CCDC125: variants seen among roughly 807,000 people sequenced by gnomAD.
The protein encoded by CCDC125 is coiled-coil domain containing 125.
In CCDC125, 43 loss-of-function variants were observed where a neutral mutation model predicts 57.4. The ratio of observed to expected loss-of-function variants is 0.75; its 90% CI spans 0.59 to 0.97. The LOEUF is 0.97. Among genes scored for constraint, CCDC125 ranks in the 50% least tolerant of loss-of-function variants. The probability of loss-of-function intolerance (pLI) is 0.00; values close to 1 mark genes in which losing one functional copy is unlikely to be tolerated. For missense variants in CCDC125, 563 were observed against 595.7 expected (o/e 0.95, Z 0.57); for synonymous variants, 187 against 195.2 (o/e 0.96, Z 0.35).
chr5:69,316,278 AT>A (rs1759086622), intron 2 of CCDC125, among the ~76,000 whole-genome samples: 1 of 152,212 alleles, frequency 6.6e-6, no homozygotes, highest in Non-Finnish European at 1.5e-5. Flanking sequence ...ATGTGATGAG[AT>A]TAAGGATTTT....
chr5:69,323,975 T>C (rs1241990208), intron 1 of CCDC125: 1 of 150,512 alleles, frequency 6.6e-6, no homozygotes, highest in Non-Finnish European at 1.5e-5. Flanking sequence ...AAAAGTGGGG[T>C]GTGGGGGTAT....
chr5:69,291,723 GA>G (rs1754496961), intron 10 of CCDC125, among the ~76,000 whole-genome samples: 1 of 152,096 alleles, frequency 6.6e-6, no homozygotes, highest in Non-Finnish European at 1.5e-5. Flanking sequence ...TTTTTTCTAA[GA>G]ATATTTTATT....
chr5:69,305,925 G>T (rs1259385430), intron 6 of CCDC125, among the ~76,000 whole-genome samples: 1 of 152,138 alleles, frequency 6.6e-6, no homozygotes. Flanking sequence ...CGATAGGATT[G>T]TGTGAGCCAC....
intron 7 of CCDC125, among the ~76,000 whole-genome samples, chr5:69,301,985 A>G (rs1321839857): frequency 6.6e-6 from 1 of 151,860 alleles, no homozygotes; most frequent in African/African-American, 2.4e-5. Flanking sequence ...TGGGAGGCTG[A>G]GGTGGGAGGA....
At chr5:69,321,417 T>G (rs1760001697) in intron 1 of CCDC125, among the ~76,000 whole-genome samples, 1 of 152,218 alleles carries the variant, frequency 6.6e-6, no homozygotes, top group Non-Finnish European at 1.5e-5. Flanking sequence ...AAATGTGTTG[T>G]TAGGCAATTT....
At chr5:69,300,667 G>T (rs1413582753) in intron 7 of CCDC125, among the ~76,000 whole-genome samples, 1 of 152,060 alleles carries the variant, frequency 6.6e-6, no homozygotes, top group African/African-American at 2.4e-5. Context: ...GAGGACTTAT[G>T]ATCATGAGCA....
At chr5:69,299,090 T>C (rs1755892860) in intron 8 of CCDC125, among the ~76,000 whole-genome samples, 1 of 150,228 alleles carries the variant, frequency 6.7e-6, no homozygotes, top group Non-Finnish European at 1.5e-5. Flanking sequence ...TTATTACCAA[T>C]TTTTCTTAAG....
intron 8 of CCDC125, among the ~76,000 whole-genome samples, chr5:69,297,923 T>G (rs534081098): frequency 4.0e-5 from 6 of 151,626 alleles, no homozygotes; most frequent in African/African-American, 1.4e-4. Context: ...CAGTGAGCCA[T>G]GATTGTGCCA....
chr5:69,324,424 T>C (rs866745655), intron 1 of CCDC125, among the ~76,000 whole-genome samples: 2 of 152,192 alleles, frequency 1.3e-5, no homozygotes, highest in African/African-American at 2.4e-5. Flanking sequence ...GAAAACAATT[T>C]GATAGCTTCT....
At chr5:69,320,817 G>A (rs181510198) in intron 1 of CCDC125, among the ~76,000 whole-genome samples, 122 of 152,106 alleles carry the variant, frequency 8.0e-4, no homozygotes, top group Non-Finnish European at 1.4e-3. Context: ...GTGCGTGTGC[G>A]TGTGTACACA....
At chr5:69,299,681 A>G (rs1042715152) in intron 8 of CCDC125, among the ~76,000 whole-genome samples, 1 of 152,256 alleles carries the variant, frequency 6.6e-6, no homozygotes, top group South Asian at 2.1e-4. Context: ...GATGAAGATC[A>G]GATACAACAA....
chr5:69,309,509 C>T (rs995529983), intron 4 of CCDC125: 2 of 152,174 alleles, frequency 1.3e-5, no homozygotes, highest in Non-Finnish European at 2.9e-5. Flanking sequence ...AGTAAAGAAT[C>T]GGGGTTTGGG....
chr5:69,283,646 T>C (rs1752816655), intron 11 of CCDC125, among the ~76,000 whole-genome samples: 1 of 151,218 alleles, frequency 6.6e-6, no homozygotes, highest in South Asian at 2.1e-4. Context: ...CCCTCCCGAG[T>C]AGAGTAGCTG....
chr5:69,295,562 TGAG>T (rs1345294086), intron 8 of CCDC125, among the ~76,000 whole-genome samples: 4 of 152,098 alleles, frequency 2.6e-5, no homozygotes, highest in Non-Finnish European at 5.9e-5. Flanking sequence ...GTTCTGTAAA[TGAG>T]GAGGAGAGAC....
intron 10 of CCDC125, among the ~76,000 whole-genome samples, chr5:69,286,944 A>T (rs1043162967): frequency 6.8e-6 from 1 of 146,944 alleles, no homozygotes; most frequent in Non-Finnish European, 1.5e-5. Flanking sequence ...GCTTGGTGTG[A>T]TGGCTCAAGC....
At chr5:69,331,750 C>T (rs924731060) in intron 1 of CCDC125, among the ~76,000 whole-genome samples, 2 of 152,082 alleles carry the variant, frequency 1.3e-5, no homozygotes, top group African/African-American at 4.8e-5. Flanking sequence ...CATTCTTCAC[C>T]CCAGGAATGC....
chr5:69,285,169 T>TA lies in CCDC125; in HGVS notation c.1230+167dup, dbSNP rs550835310. Among the ~76,000 whole-genome samples the TA allele has an allele frequency of 1.2e-3, 181 of 151,990 alleles. 3 individuals carry two copies. The highest frequency in any genetic ancestry group is 4.2e-3 in the African/African-American group (175 of 41,472). The stretch of plus-strand genomic sequence containing the variant: ...CTAACACTAATGATAGCTGATGAAC[T>TA]AAAAAAATATATATATATATCAAAA... On this transcript the variant is annotated intron_variant, in intron 11 of 11. Transcript: ENST00000396496.
At chr5:69,276,647 A>T, downstream of CCDC125, 1 of 1,614,196 alleles carries the variant, frequency 6.2e-7, no homozygotes, top group Non-Finnish European at 8.5e-7. Flanking sequence ...AATCAAATCC[A>T]GCTTTGGCAA....
At chr5:69,314,681 G>A (rs555151346) in intron 2 of CCDC125, among the ~76,000 whole-genome samples, 9 of 152,150 alleles carry the variant, frequency 5.9e-5, no homozygotes, top group East Asian at 1.9e-4. Context: ...GTGATGTGCC[G>A]GAGTCCCAGT....
Sources: gnomAD v4.1 joint callset for allele counts (sites outside exome capture counted in the v4.1 genomes callset) on GRCh38, gnomAD v4.1.1 for gene constraint, MANE v1.5 for transcripts, NCBI Gene and HGNC (gene_info 2026-07-23, HGNC 2026-07-21) for gene names.